Variants in SFMBT1 observed in about 807,000 individuals in gnomAD.
SFMBT1 encodes the protein scm-like with four MBT domains protein 1.
In SFMBT1, 32 loss-of-function variants were observed where a neutral mutation model predicts 108.7. The ratio of observed to expected loss-of-function variants is 0.29; its 90% CI spans 0.22 to 0.40. The LOEUF is 0.40. Among genes scored for constraint, SFMBT1 ranks in the 10% least tolerant of loss-of-function variants. The pLI, the probability that SFMBT1 is intolerant of heterozygous loss-of-function variation, is 1.00. For synonymous variants in SFMBT1, 348 were observed against 369.5 expected, an observed-to-expected ratio of 0.94 and a Z score of 0.67; for missense variants, 816 against 1,059.6, an observed-to-expected ratio of 0.77 and a Z score of 3.19.
chr3:52,916,699 C>CAA (rs773987848), intron 13 of SFMBT1, among the ~76,000 whole-genome samples: 2 of 146,692 alleles, frequency 1.4e-5, no homozygotes, highest in East Asian at 4.0e-4. Flanking sequence ...ACAACAACAA[C>CAA]AACAACAAAA....
intron 1 of SFMBT1, among the ~76,000 whole-genome samples, chr3:53,015,774 A>C (rs1034879088): frequency 6.6e-6 from 1 of 152,234 alleles, no homozygotes; most frequent in African/African-American, 2.4e-5. Flanking sequence ...CCTTAGGCTG[A>C]AAAAGCAGGG....
Position 52,918,304 on chromosome 3 carries a change from C to A in SFMBT1, c.1415+180G>T, listed in dbSNP as rs1163430236. Among the ~76,000 whole-genome samples, 6 of 152,156 alleles carry A rather than the reference C, an allele frequency of 3.9e-5. No individual in the cohort carries two copies. The East Asian group carries it at 1.2e-3, about 29-fold the overall frequency. On this transcript the variant is annotated intron_variant, in intron 13 of 20. Transcript: ENST00000394752. ...CACCATCTTGAGAATGCATTTTACC[C>A]TTTTGTATATAATGCCATTTTAGAA...
intron 8 of SFMBT1, chr3:52,928,645 T>TAC (rs1702755960): frequency 2.1e-5 from 2 of 97,384 alleles, no homozygotes; most frequent in African/African-American, 4.4e-5. Flanking sequence ...TACATATATA[T>TAC]ATATATATAC....
At chr3:53,018,829 C>G (rs1191925278) in intron 1 of SFMBT1, among the ~76,000 whole-genome samples, 1 of 152,208 alleles carries the variant, frequency 6.6e-6, no homozygotes, top group African/African-American at 2.4e-5. Flanking sequence ...GGTACTGTGA[C>G]ACTACTCTCC....
At chr3:52,965,652 T>C (rs941356679) in intron 2 of SFMBT1, among the ~76,000 whole-genome samples, 12 of 151,462 alleles carry the variant, frequency 7.9e-5, no homozygotes, top group Non-Finnish European at 1.8e-4. Context: ...AATGGGGAAA[T>C]CAACATATTC....
intron 1 of SFMBT1, among the ~76,000 whole-genome samples, chr3:52,996,230 G>A (rs1403436561): frequency 4.5e-4 from 10 of 22,234 alleles, no homozygotes; most frequent in African/African-American, 1.7e-3. Context: ...TTTTTTTTTT[G>A]AGACAGGGTC....
chr3:53,021,839 A>C (rs1699316068), intron 1 of SFMBT1, among the ~76,000 whole-genome samples: 1 of 152,204 alleles, frequency 6.6e-6, no homozygotes, highest in South Asian at 2.1e-4. Context: ...GAAGGGGAAA[A>C]TATTAATACA....
At chr3:52,998,448 T>C (rs911801422) in intron 1 of SFMBT1, among the ~76,000 whole-genome samples, 5 of 149,948 alleles carry the variant, frequency 3.3e-5, no homozygotes, top group East Asian at 2.0e-4. Context: ...TGCTGACGCA[T>C]TGGAGAAAGT....
chr3:52,928,732 C>G (rs13082061), intron 8 of SFMBT1, among the ~76,000 whole-genome samples: 103,844 of 146,564 alleles, frequency 0.71, 37,302 homozygotes, highest in South Asian at 0.87. Flanking sequence ...GTCTTGCTCT[C>G]TTACCCAGGC....
intron 1 of SFMBT1, among the ~76,000 whole-genome samples, chr3:52,974,194 G>T (rs1406632117): frequency 6.6e-6 from 1 of 152,120 alleles, no homozygotes; most frequent in Admixed American, 6.5e-5. Context: ...ATAAATACCA[G>T]GCAGTTAGCA....
chr3:53,043,457 T>C (rs1467503603), intron 1 of SFMBT1, among the ~76,000 whole-genome samples: 1 of 152,238 alleles, frequency 6.6e-6, no homozygotes, highest in Admixed American at 6.5e-5. Flanking sequence ...CACACATTCT[T>C]AATTCACTTA....
intron 1 of SFMBT1, among the ~76,000 whole-genome samples, chr3:52,992,566 GTTAA>G (rs766380414): frequency 6.6e-6 from 1 of 152,098 alleles, no homozygotes; most frequent in Non-Finnish European, 1.5e-5. Context: ...AATCTGCTCA[GTTAA>G]TTAGACTTTG....
intron 1 of SFMBT1, among the ~76,000 whole-genome samples, chr3:53,008,122 A>G (rs1698811134): frequency 6.6e-6 from 1 of 151,116 alleles, no homozygotes; most frequent in African/African-American, 2.4e-5. Flanking sequence ...TATTGGGACT[A>G]TTGGTCAAAC....
At chr3:52,912,871 G>A (rs1032805308) in intron 15 of SFMBT1, among the ~76,000 whole-genome samples, 2 of 152,012 alleles carry the variant, frequency 1.3e-5, no homozygotes, top group Non-Finnish European at 2.9e-5. Context: ...TAAATGTTAC[G>A]GTCAGGAAAA....
At chr3:52,956,615 G>C (rs1703793021) in intron 2 of SFMBT1, among the ~76,000 whole-genome samples, 1 of 151,962 alleles carries the variant, frequency 6.6e-6, no homozygotes, top group African/African-American at 2.4e-5. Context: ...AAAAAAATTA[G>C]CCGGGTGTGG....
At chr3:52,962,536 T>C (rs1302768536) in intron 2 of SFMBT1, among the ~76,000 whole-genome samples, 12 of 152,122 alleles carry the variant, frequency 7.9e-5, no homozygotes, top group Admixed American at 7.9e-4. Context: ...CCAGGCGCAG[T>C]GGCTCATGCC....
chr3:52,942,181 A>C (rs1703204732), intron 4 of SFMBT1, among the ~76,000 whole-genome samples: 1 of 152,232 alleles, frequency 6.6e-6, no homozygotes, highest in South Asian at 2.1e-4. Context: ...CCTTTTAAAA[A>C]ACTGAGTACT....
intron 1 of SFMBT1, among the ~76,000 whole-genome samples, chr3:52,986,000 C>G (rs780057456): frequency 5.9e-5 from 9 of 151,630 alleles, no homozygotes; most frequent in South Asian, 2.1e-4. Flanking sequence ...AAAATTAGCT[C>G]GGTGTGGTAG....
intron 2 of SFMBT1, among the ~76,000 whole-genome samples, chr3:52,965,669 G>A (rs1234088795): frequency 6.6e-6 from 1 of 151,602 alleles, no homozygotes; most frequent in Non-Finnish European, 1.5e-5. Context: ...ATTCTCAAAT[G>A]AAATGAAATG....
Sources: allele counts gnomAD v4.1 joint callset (sites outside exome capture counted in the v4.1 genomes callset), GRCh38; gene constraint gnomAD v4.1.1; transcripts MANE v1.5; gene names NCBI Gene and HGNC (gene_info 2026-07-23, HGNC 2026-07-21).